Variants in SND1 observed in about 807,000 individuals in gnomAD.
The protein encoded by SND1 is staphylococcal nuclease domain-containing protein 1.
SND1 carries 38 observed loss-of-function variants against 121.7 expected under a neutral mutation model. The observed-to-expected ratio is 0.31, with a 90% CI of 0.24 to 0.41. The LOEUF (loss-of-function observed/expected upper bound fraction) is 0.41. Ranked by LOEUF, SND1 falls within the 10% of genes least tolerant of loss-of-function variation. The pLI is 1.00. For synonymous variants in SND1, 401 were observed against 447.4 expected (o/e 0.90, Z 1.31); for missense variants, 868 against 1,184.6 (o/e 0.73, Z 3.92).
At chr7:127,883,642 A>C (rs554915915) in intron 12 of SND1, among the ~76,000 whole-genome samples, 1 of 152,306 alleles carries the variant, frequency 6.6e-6, no homozygotes, top group South Asian at 2.1e-4. Context: ...ATATTAACAC[A>C]TTGCTATCAT....
intron 22 of SND1, 94 bp downstream of exon 22, chr7:128,089,786 C>A (rs1793747191): frequency 2.7e-6 from 3 of 1,124,922 alleles, no homozygotes; most frequent in Non-Finnish European, 3.9e-6. Flanking sequence ...AGGGAATCCA[C>A]CATCCTGCTG....
At chr7:128,049,420 T>G (rs1793007825) in intron 16 of SND1, among the ~76,000 whole-genome samples, 1 of 152,076 alleles carries the variant, frequency 6.6e-6, no homozygotes, top group African/African-American at 2.4e-5. Flanking sequence ...CTCCAAGGCC[T>G]CCCGACAAGG....
chr7:127,912,033 C>T (rs1245808231), intron 14 of SND1, among the ~76,000 whole-genome samples: 1 of 152,058 alleles, frequency 6.6e-6, no homozygotes, highest in African/African-American at 2.4e-5. Flanking sequence ...AGGCTGGACT[C>T]GAACTCCTGG....
chr7:127,715,516 T>A (rs1481718393), intron 9 of SND1, among the ~76,000 whole-genome samples: 1 of 151,728 alleles, frequency 6.6e-6, no homozygotes, highest in African/African-American at 2.4e-5. Context: ...ATTGTTCCTG[T>A]CTTTAGTCCA....
intron 10 of SND1, among the ~76,000 whole-genome samples, chr7:127,767,120 A>G (rs1797437018): frequency 6.6e-6 from 1 of 152,004 alleles, no homozygotes; most frequent in Non-Finnish European, 1.5e-5. Flanking sequence ...TACTCATCCT[A>G]CTTCTCATTT....
chr7:127,761,618 T>C (rs1171317397), intron 10 of SND1, among the ~76,000 whole-genome samples: 1 of 152,240 alleles, frequency 6.6e-6, no homozygotes, highest in Non-Finnish European at 1.5e-5. Context: ...CTGAAAGTTG[T>C]TTGAACTTTT....
At chr7:128,057,185 G>T (rs1396022326) in intron 16 of SND1, among the ~76,000 whole-genome samples, 2 of 152,162 alleles carry the variant, frequency 1.3e-5, no homozygotes, top group Non-Finnish European at 2.9e-5. Context: ...AAGGAAAACC[G>T]CAGATAAGGG....
intron 16 of SND1, among the ~76,000 whole-genome samples, chr7:127,995,911 G>A (rs1802640889): frequency 6.6e-6 from 1 of 152,080 alleles, no homozygotes; most frequent in Non-Finnish European, 1.5e-5. Context: ...GGCCTTTTTC[G>A]ATGACCCCTT....
chr7:127,864,199 GGTAGCTCTTTATAT>G (rs1799428318), intron 12 of SND1, among the ~76,000 whole-genome samples: 1 of 115,124 alleles, frequency 8.7e-6, no homozygotes, highest in African/African-American at 3.6e-5. Flanking sequence ...CAGGAAATTA[GGTAGCTCTTTATAT>G]GCAAGCATGT....
intron 16 of SND1, among the ~76,000 whole-genome samples, chr7:128,043,867 C>T (rs1489085041): frequency 1.8e-5 from 1 of 55,566 alleles, no homozygotes; most frequent in African/African-American, 1.8e-4. Context: ...CACATATACA[C>T]ACACACACAC....
At chr7:127,745,817 G>A (rs375369494) in intron 10 of SND1, among the ~76,000 whole-genome samples, 15 of 152,314 alleles carry the variant, frequency 9.8e-5, no homozygotes, top group African/African-American at 3.6e-4. Flanking sequence ...ACCTTGTGTA[G>A]TCTGATTGAA....
intron 14 of SND1, among the ~76,000 whole-genome samples, chr7:127,922,192 T>TTTTTTTTTTTTTTTTTTTTTG (rs1800728030): frequency 1.8e-5 from 2 of 109,152 alleles, no homozygotes; most frequent in African/African-American, 6.6e-5. Context: ...TTTTTTTTTT[T>TTTTTTTTTTTTTTTTTTTTTG]TTTTTTTTTT....
chr7:127,926,549 CTTTT>C lies in SND1; in HGVS notation c.1528-2619_1528-2616del, dbSNP rs71160605. 5.2e-3 allele frequency among the ~76,000 whole-genome samples: 474 copies of C among 90,510 alleles called. 1 individual carries two copies. The highest frequency in any genetic ancestry group is 0.02 in the African/African-American group (437 of 22,032). 59.4% of individuals were successfully genotyped at this position (90,510 alleles called of 152,430 possible). ...GCTGTATGCCTTTGATTTTCTTTTT[CTTTT>C]TTTTTTTTTTTTTTTTTTTGTCGGA... On this transcript the variant is annotated intron_variant, in intron 14 of 23. Coordinates refer to ENST00000354725, the MANE Select transcript of SND1 (RefSeq NM_014390.4).
At chr7:127,862,576 G>T (rs1410664277) in intron 12 of SND1, among the ~76,000 whole-genome samples, 1 of 152,236 alleles carries the variant, frequency 6.6e-6, no homozygotes, top group East Asian at 1.9e-4. Context: ...ATTGGCTACA[G>T]AAGTGATTTA....
At chr7:127,802,161 C>G (rs1233264597) in intron 10 of SND1, among the ~76,000 whole-genome samples, 1 of 151,978 alleles carries the variant, frequency 6.6e-6, no homozygotes, top group Non-Finnish European at 1.5e-5. Flanking sequence ...CTTTTTACTC[C>G]CCCCAAAATT....
At chr7:127,911,383 C>A (rs1351555373) in intron 14 of SND1, among the ~76,000 whole-genome samples, 1 of 151,942 alleles carries the variant, frequency 6.6e-6, no homozygotes, top group African/African-American at 2.4e-5. Context: ...TTTTTTATTT[C>A]AAAAAAATAG....
At chr7:128,069,394 C>T (rs1428995745) in intron 16 of SND1, among the ~76,000 whole-genome samples, 3 of 152,176 alleles carry the variant, frequency 2.0e-5, no homozygotes, top group African/African-American at 7.2e-5. Context: ...AGGACCCCTC[C>T]TCATTTTACC....
intron 14 of SND1, among the ~76,000 whole-genome samples, chr7:127,923,328 G>C (rs1032045837): frequency 2.6e-5 from 4 of 151,966 alleles, no homozygotes; most frequent in Non-Finnish European, 5.9e-5. Context: ...TTTTTTGTTT[G>C]GGGGTTTGTT....
intron 10 of SND1, among the ~76,000 whole-genome samples, chr7:127,783,907 A>G (rs1042987392): frequency 1.3e-5 from 2 of 152,170 alleles, no homozygotes; most frequent in African/African-American, 4.8e-5. Context: ...TTATATTGAC[A>G]TTTTCATTGT....
Sources: gnomAD v4.1 joint callset for allele counts (sites outside exome capture counted in the v4.1 genomes callset) on GRCh38, gnomAD v4.1.1 for gene constraint, MANE v1.5 for transcripts, NCBI Gene and HGNC (gene_info 2026-07-23, HGNC 2026-07-21) for gene names.